The following USH2A variants were observed in gnomAD, a reference collection of about 807,000 sequenced individuals.
The protein encoded by USH2A is Usher syndrome 2A (autosomal recessive, mild).
In USH2A, 443 loss-of-function variants were observed where a neutral mutation model predicts 538.9. The observed-to-expected ratio is 0.82, with a 90% CI of 0.76 to 0.89. USH2A has a LOEUF of 0.89. USH2A is among the 40% of genes least tolerant of loss of function. The pLI, the probability that USH2A is intolerant of heterozygous loss-of-function variation, is 0.00. For missense variants in USH2A, 6,633 were observed against 6,324.8 expected, an observed-to-expected ratio of 1.05 and a Z score of -1.65; for synonymous variants, 2,413 against 2,273.5, an observed-to-expected ratio of 1.06 and a Z score of -1.75.
chr1:216,334,156 GA>G (rs1226353753), intron 4 of USH2A, among the ~76,000 whole-genome samples: 1 of 151,842 alleles, frequency 6.6e-6, no homozygotes, highest in African/African-American at 2.4e-5. Flanking sequence ...TATCTGTGTT[GA>G]TGGGCATCCA....
At position 215,628,993 on chromosome 1, in the gene USH2A, TCA is replaced by T. The variant is rs1404641251; in HGVS notation, c.15338_15339del (p.Val5113GlufsTer64). The T allele has an allele frequency of 6.2e-7, 1 of 1,613,796 alleles. No homozygotes were observed. The highest frequency in any genetic ancestry group is 2.2e-5 in the East Asian group (1 of 44,884). On this transcript the variant is annotated frameshift_variant, in exon 71 of 72. Transcript: ENST00000307340. LOFTEE classifies it high-confidence loss of function. ...DTKIPRSGTP[V>X]SIRSNRSACV... ...CATGCACTCCGGTTGCTGCGGATAC[TCA>T]CAGGTGTCCCAGACCGGGGAATTTT...
chr1:216,170,227 A>T (rs2034250055), intron 21 of USH2A, among the ~76,000 whole-genome samples: 1 of 152,168 alleles, frequency 6.6e-6, no homozygotes, highest in African/African-American at 2.4e-5. Context: ...ATATGCTCTT[A>T]AACATATTGA....
chr1:216,359,355 A>G (rs981263695), intron 4 of USH2A, among the ~76,000 whole-genome samples: 8 of 152,120 alleles, frequency 5.3e-5, no homozygotes, highest in Non-Finnish European at 8.8e-5. Context: ...CAAGCAACTT[A>G]TATTCTAAAC....
intron 32 of USH2A, among the ~76,000 whole-genome samples, chr1:216,036,997 C>G (rs185304699): frequency 1.6e-4 from 25 of 152,112 alleles, no homozygotes; most frequent in Admixed American, 1.5e-3. Context: ...CAATCAAGGT[C>G]AAGACATTTT....
chr1:215,996,574 T>G lies in USH2A; in HGVS notation c.6657+2313A>C, dbSNP rs1300441367. Among the ~76,000 whole-genome samples, 9 of 103,578 alleles carry G rather than the reference T, an allele frequency of 8.7e-5. No individual in the cohort carries two copies. In the South Asian group the frequency reaches 1.2e-3, roughly 14 times the overall value. 68.0% of individuals were successfully genotyped at this position (103,578 alleles called of 152,430 possible). A position where few individuals can be genotyped will look rare whatever the true frequency, so the allele number is the denominator to read the frequency against. On this transcript the variant is annotated intron_variant, in intron 34 of 71. Coordinates refer to ENST00000307340, the MANE Select transcript of USH2A (RefSeq NM_206933.4). ...CAACATATTATGTTTTTTTTTTTTT[T>G]TTTTTTTTTTTTTTTTTTTTTGCAG... is the stretch of plus-strand genomic sequence containing the variant.
chr1:215,993,173 C>G lies in USH2A; in HGVS notation c.6658-6G>C. 2 of 1,613,974 alleles carry G rather than the reference C, an allele frequency of 1.2e-6. No individual in the cohort carries two copies. The highest frequency in any genetic ancestry group is 1.7e-6 in the Non-Finnish European group (2 of 1,179,936). ...CACCCACCACCTGTGCAAGCCTAAA[C>G]AGAGATGCAAAAATGCTCATTTCAC... is the stretch of plus-strand genomic sequence containing the variant. On this transcript the variant is annotated splice_polypyrimidine_tract_variant and splice_region_variant and intron_variant, in intron 34 of 71. Coordinates refer to ENST00000307340, the MANE Select transcript of USH2A (RefSeq NM_206933.4).
At chr1:216,032,973 A>T (rs1392148129) in intron 32 of USH2A, among the ~76,000 whole-genome samples, 1 of 152,062 alleles carries the variant, frequency 6.6e-6, no homozygotes, top group Non-Finnish European at 1.5e-5. Context: ...AATCCACCCA[A>T]ATTTCTGATT....
chr1:215,628,757 T>C (rs1156875832), intron 71 of USH2A, 57 bp downstream of exon 71: 2 of 1,583,676 alleles, frequency 1.3e-6, no homozygotes, highest in African/African-American at 1.3e-5. Context: ...GGCAGCTCTG[T>C]ACCAATATTT....
intron 38 of USH2A, among the ~76,000 whole-genome samples, chr1:215,929,979 C>G (rs1666324246): frequency 6.6e-6 from 1 of 151,944 alleles, no homozygotes. Context: ...GTAAAACAAA[C>G]TACTCGCAAC....
At chr1:216,071,797 A>G (rs1443198753) in intron 29 of USH2A, among the ~76,000 whole-genome samples, 2 of 152,196 alleles carry the variant, frequency 1.3e-5, no homozygotes, top group Non-Finnish European at 1.5e-5. Context: ...GTCAGTAACA[A>G]GTGAGTATTT....
chr1:216,393,645 AT>A (rs1250618665), intron 3 of USH2A, among the ~76,000 whole-genome samples: 2 of 152,306 alleles, frequency 1.3e-5, no homozygotes, highest in African/African-American at 4.8e-5. Flanking sequence ...ATTAAAAAAA[AT>A]ATTATGCAAG....
intron 4 of USH2A, among the ~76,000 whole-genome samples, chr1:216,329,949 A>G (rs2037820810): frequency 6.6e-6 from 1 of 152,120 alleles, no homozygotes; most frequent in East Asian, 1.9e-4. Context: ...TCTCAGGATA[A>G]AATATTGTCT....
chr1:216,246,935 T>C lies in USH2A; in HGVS notation c.2459A>G (p.Asn820Ser), dbSNP rs34447581. Residue 820 changes from asparagine (N) to serine (S), a missense_variant, in exon 13 of 72, where the codon AAT becomes AGT. Coordinates refer to ENST00000307340, the MANE Select transcript of USH2A (RefSeq NM_206933.4). ...TTTATTGCACTGTCTCCCTTCAACATTGGGCTTGCAGATGCACTGCCCTGT... is the reference window on the plus strand; with the variant it reads ...TTTATTGCACTGTCTCCCTTCAACACTGGGCTTGCAGATGCACTGCCCTGT... ...AKTGQCICKP[N>S]VEGRQCNKCL... The C allele has an allele frequency of 7.6e-5, 123 of 1,614,150 alleles. No homozygotes were observed. In the African/African-American group the frequency reaches 1.3e-3, roughly 17 times the overall value.
intron 4 of USH2A, among the ~76,000 whole-genome samples, chr1:216,344,108 T>A (rs984131386): frequency 1.3e-5 from 2 of 152,122 alleles, no homozygotes; most frequent in Non-Finnish European, 2.9e-5. Context: ...TGATTACAGA[T>A]TTAAAACTAT....
intron 38 of USH2A, among the ~76,000 whole-genome samples, chr1:215,918,130 T>C (rs1188436034): frequency 6.6e-6 from 1 of 152,104 alleles, no homozygotes. Flanking sequence ...CATTTAATGA[T>C]TGAAGAATCA....
At chr1:215,960,193 T>TA (rs1170509781) in intron 37 of USH2A, among the ~76,000 whole-genome samples, 1 of 152,146 alleles carries the variant, frequency 6.6e-6, no homozygotes, top group Non-Finnish European at 1.5e-5. Context: ...TGAAGCTCTG[T>TA]AAAATAATGA....
intron 14 of USH2A, among the ~76,000 whole-genome samples, chr1:216,226,323 C>T (rs2035560371): frequency 6.6e-6 from 1 of 152,166 alleles, no homozygotes; most frequent in Non-Finnish European, 1.5e-5. Flanking sequence ...AAATTCAATT[C>T]AGAAAATAGA....
At chr1:215,843,891 T>C (rs973624434) in intron 46 of USH2A, among the ~76,000 whole-genome samples, 4 of 152,182 alleles carry the variant, frequency 2.6e-5, no homozygotes, top group Non-Finnish European at 5.9e-5. Context: ...ATAACTTCTC[T>C]GGAGATATTA....
At chr1:216,338,512 G>T (rs1238176127) in intron 4 of USH2A, among the ~76,000 whole-genome samples, 1 of 151,404 alleles carries the variant, frequency 6.6e-6, no homozygotes, top group Non-Finnish European at 1.5e-5. Flanking sequence ...AATTTCTTAA[G>T]TAAGATATAA....
Sources: gnomAD v4.1 joint callset for allele counts (sites outside exome capture counted in the v4.1 genomes callset) on GRCh38, gnomAD v4.1.1 for gene constraint, MANE v1.5 for transcripts, NCBI Gene and HGNC (gene_info 2026-07-23, HGNC 2026-07-21) for gene names.